Variants in ZPBP2 observed in about 807,000 individuals in gnomAD.
ZPBP2 encodes the protein zona pellucida binding protein 2, also known as zona pellucida-binding protein 2.
Under a neutral mutation model 37.5 loss-of-function variants are expected in ZPBP2, and 34 were observed. The observed-to-expected ratio is 0.91, with a 90% confidence interval of 0.69 to 1.21. ZPBP2 has a LOEUF of 1.21. Ranked by LOEUF, ZPBP2 falls within the 50% of genes most tolerant of loss-of-function variation. The probability of loss-of-function intolerance (pLI) is 0.00; values close to 1 mark genes in which losing one functional copy is unlikely to be tolerated. For missense variants in ZPBP2, 397 were observed against 413.5 expected (o/e 0.96, Z 0.35); for synonymous variants, 143 against 138.4 (o/e 1.03, Z -0.23).
rs2063393301 is a variant in ZPBP2 at position 39,876,884 on chromosome 17, A to G, written c.*75A>G. On this transcript the variant is annotated 3_prime_UTR_variant, in exon 8 of 8. Transcript: ENST00000348931. ...TTTCACATCCCAGAGCATCATAGATAGTTCCATTAAGTAAAATCAGTAAGA... is the reference window on the plus strand; with the variant it reads ...TTTCACATCCCAGAGCATCATAGATGGTTCCATTAAGTAAAATCAGTAAGA... The G allele has an allele frequency of 2.6e-6, 4 of 1,560,920 alleles. No individual in the cohort carries two copies. The highest frequency in any genetic ancestry group is 2.6e-6 in the Non-Finnish European group (3 of 1,143,614).
Position 39,868,424 on chromosome 17 carries a change from C to T in ZPBP2, c.52+18C>T. 6.2e-7 allele frequency: 1 copy of T among 1,611,194 alleles called. No homozygotes were observed. The highest frequency in any genetic ancestry group is 1.1e-5 in the South Asian group (1 of 91,068). ...CACAGGAGGTGGGGCTCCCTCCACC[C>T]GGTCCCCAGGCCTCTCCCTCTGCCC... On this transcript the variant is annotated intron_variant, in intron 1 of 7. Transcript: ENST00000348931.
rs71152615 is a variant in ZPBP2, at chr17:39,875,593, A to AT, written c.889+173dup. On this transcript the variant is annotated intron_variant, in intron 7 of 7. Coordinates refer to ENST00000348931, the MANE Select transcript of ZPBP2 (RefSeq NM_199321.3). ...AAGGAAGTAAAAATTCAAAGCCCCA[A>AT]TTTTTTTTTTTTTTGTTTTTTTTGA... Among the ~76,000 whole-genome samples the AT allele has an allele frequency of 1.5e-3, 222 of 146,134 alleles. 1 individual carries two copies. The highest frequency in any genetic ancestry group is 2.9e-3 in the African/African-American group (117 of 39,776).
In ZPBP2 at chr17:39,872,401, T is replaced by C. The variant is rs2063369394; in HGVS notation, c.538T>C (p.Cys180Arg). The C allele has an allele frequency of 1.2e-6, 2 of 1,613,596 alleles. No homozygotes were observed. Among genetic ancestry groups the C allele is most frequent in the Non-Finnish European group, 1.7e-6 (2 of 1,179,802 alleles). ...ILDSLISDLS[C>R]HVIEPSYKCH... ...GGATAGTCTAATTTCTGATTTGTCA[T>C]GCCATGTCATAGAGCCATCATATAA... Residue 180 changes from cysteine to arginine, a missense_variant, in exon 5 of 8, where the codon TGC (cysteine) becomes CGC (arginine). Cys to Arg is a radical substitution (Grantham distance 180). Transcript: ENST00000348931.
intron 3 of ZPBP2, 80 bp from the exon 4 acceptor site, chr17:39,871,384 G>A: frequency 1.0e-6 from 1 of 979,230 alleles, no homozygotes; most frequent in East Asian, 3.0e-5. Flanking sequence ...TAAAATTTTT[G>A]TATCTATTTG....
chr17:39,876,554 G>C, intron 7 of ZPBP2, 128 bp from the exon 8 acceptor site: 1 of 979,870 alleles, frequency 1.0e-6, no homozygotes, highest in Admixed American at 2.3e-5. Context: ...ACATTACCTG[G>C]TATAATATAG....
chr17:39,868,869 C>G (rs1259182737), intron 2 of ZPBP2, among the ~76,000 whole-genome samples: 2 of 152,216 alleles, frequency 1.3e-5, no homozygotes, highest in Non-Finnish European at 2.9e-5. Flanking sequence ...CAGATGCCAT[C>G]TCACTTCCAG....
At chr17:39,875,952 AGTGT>A (rs2063388874) in intron 7 of ZPBP2, among the ~76,000 whole-genome samples, 2 of 46,164 alleles carry the variant, frequency 4.3e-5, no homozygotes, top group South Asian at 1.2e-3. Context: ...GCTGCAGTGC[AGTGT>A]GCAGTGTGGC....
chr17:39,869,391 T>C (rs2063350919), intron 2 of ZPBP2, among the ~76,000 whole-genome samples: 1 of 59,172 alleles, frequency 1.7e-5, no homozygotes, highest in Non-Finnish European at 4.7e-5. Flanking sequence ...CTTTCTTTCT[T>C]TCCTTCCTTC....
chr17:39,874,749 TTTTA>T (rs2063381393), intron 6 of ZPBP2, among the ~76,000 whole-genome samples: 1 of 151,766 alleles, frequency 6.6e-6, no homozygotes, highest in African/African-American at 2.4e-5. Flanking sequence ...TAATTTTAAT[TTTTA>T]TTTATTTATT....
At chr17:39,874,684 C>T (rs572582310) in intron 6 of ZPBP2, among the ~76,000 whole-genome samples, 16 of 152,198 alleles carry the variant, frequency 1.1e-4, no homozygotes, top group African/African-American at 3.4e-4. Context: ...CCGCCCACCT[C>T]TGCCTCCCAA....
rs2063344805 is a variant in ZPBP2 at position 39,868,310 on chromosome 17, G to A, written c.-45G>A. On this transcript the variant is annotated 5_prime_UTR_variant, in exon 1 of 8. Coordinates refer to ENST00000348931, the MANE Select transcript of ZPBP2 (RefSeq NM_199321.3). Reference sequence around the variant, plus strand: ...GTGTTGGGCCAGGGCTGAGGTAGGAGGGAGTCTGTCCCTCGACGCCTCCTG... The same window carrying A: ...GTGTTGGGCCAGGGCTGAGGTAGGAAGGAGTCTGTCCCTCGACGCCTCCTG... 2.5e-6 allele frequency: 4 copies of A among 1,598,446 alleles called. No individual in the cohort carries two copies. Among genetic ancestry groups the A allele is most frequent in the Non-Finnish European group, 3.4e-6 (4 of 1,176,688 alleles).
In ZPBP2 at chr17:39,872,326, T is replaced by TG. The variant is rs1456132553; in HGVS notation, c.464dup (p.Cys155TrpfsTer7). On this transcript the variant is annotated frameshift_variant, in exon 5 of 8. Transcript: ENST00000348931. LOFTEE classifies it high-confidence loss of function. ...GGCTGTACGTTTTACCACAAGGTCT[T>TG]GTATAGGGAGATACAATGATGTATT... 1 of 1,613,218 alleles carries TG rather than the reference T, an allele frequency of 6.2e-7. No individual in the cohort carries two copies. The highest frequency in any genetic ancestry group is 8.5e-7 in the Non-Finnish European group (1 of 1,179,592).
At chr17:39,871,665 G>C in intron 4 of ZPBP2, 40 bp downstream of exon 4, 2 of 1,458,374 alleles carry the variant, frequency 1.4e-6, no homozygotes, top group East Asian at 4.8e-5. Context: ...CATTTAGTTT[G>C]GATCGTAATT....
rs2072949166 is a variant in ZPBP2 at position 39,876,995 on chromosome 17, T to G, written c.*186T>G. The G allele has an allele frequency of 6.8e-6, 4 of 588,636 alleles. No individual in the cohort carries two copies. Among genetic ancestry groups the G allele is most frequent in the Non-Finnish European group, 5.7e-6 (2 of 349,614 alleles). The allele number at this position is 588,636 out of a possible 1,614,324, so 36.5% of individuals were successfully genotyped here. ...CTAAGAAGGCATTTAATCCAGTATC[T>G]CTAGTGTACAAAGGAAACTTGAAGT... On this transcript the variant is annotated 3_prime_UTR_variant, in exon 8 of 8. Coordinates refer to ENST00000348931, the MANE Select transcript of ZPBP2 (RefSeq NM_199321.3).
At position 39,877,679 on chromosome 17, in the gene ZPBP2, G is replaced by A. The variant is rs1391182642; in HGVS notation, c.*870G>A. 7.9e-5 allele frequency: 12 copies of A among 152,146 alleles called. No individual in the cohort carries two copies. Among genetic ancestry groups the A allele is most frequent in the African/African-American group, 2.7e-4 (11 of 41,414 alleles). 9.4% of individuals were successfully genotyped at this position (152,146 alleles called of 1,614,324 possible). On this transcript the variant is annotated 3_prime_UTR_variant, in exon 8 of 8. Coordinates refer to ENST00000348931, the MANE Select transcript of ZPBP2 (RefSeq NM_199321.3). ...TTCCAAAATGTCATGTAGTTGGTTG[G>A]AGTTATGCAGTATGTAGACTTTTTA...
intron 7 of ZPBP2, 50 bp from the exon 8 acceptor site, chr17:39,876,632 G>C (rs2144647723): frequency 1.2e-6 from 2 of 1,603,182 alleles, no homozygotes; most frequent in Non-Finnish European, 1.7e-6. Flanking sequence ...AAGTAGTAGA[G>C]GCATAAAATA....
At chr17:39,873,173 T>A in intron 6 of ZPBP2, 47 bp downstream of exon 6, 1 of 1,572,866 alleles carries the variant, frequency 6.4e-7, no homozygotes, top group Non-Finnish European at 8.7e-7. Flanking sequence ...TTTCTTTTTT[T>A]AGAGACAGGG....
At chr17:39,871,409 C>A in intron 3 of ZPBP2, 55 bp from the exon 4 acceptor site, 1 of 1,285,258 alleles carries the variant, frequency 7.8e-7, no homozygotes, top group Non-Finnish European at 1.1e-6. Flanking sequence ...TCCAAGTGTA[C>A]TAAATAATGC....
intron 1 of ZPBP2, 24 bp from the exon 2 acceptor site, chr17:39,868,525 G>C: frequency 2.5e-6 from 4 of 1,614,130 alleles, no homozygotes; most frequent in Non-Finnish European, 3.4e-6. Flanking sequence ...CTAACTAAAA[G>C]TCAGTGTTTT....
Sources: gnomAD v4.1 joint callset for allele counts (sites outside exome capture counted in the v4.1 genomes callset) on GRCh38, gnomAD v4.1.1 for gene constraint, MANE v1.5 for transcripts, NCBI Gene and HGNC (gene_info 2026-07-23, HGNC 2026-07-21) for gene names.